CEP350: variants seen among roughly 807,000 people sequenced by gnomAD.
CEP350 encodes centrosomal protein 350, also known as centrosome-associated protein 350.
Under a neutral mutation model 331.8 loss-of-function variants are expected in CEP350, and 126 were observed. The observed-to-expected ratio is 0.38, with a 90% CI of 0.33 to 0.44. The LOEUF (loss-of-function observed/expected upper bound fraction) is 0.44. Among genes scored for constraint, CEP350 ranks in the 20% least tolerant of loss-of-function variants. The pLI is 1.00. For synonymous variants in CEP350, 1,200 were observed against 1,259.5 expected, an observed-to-expected ratio of 0.95 and a Z score of 1.00; for missense variants, 3,406 against 3,634.6, an observed-to-expected ratio of 0.94 and a Z score of 1.62.
At chr1:179,960,001 C>T (rs1184790645) in intron 1 of CEP350, among the ~76,000 whole-genome samples, 1 of 152,060 alleles carries the variant, frequency 6.6e-6, no homozygotes, top group Non-Finnish European at 1.5e-5. Context: ...ACCCCAAACA[C>T]CTCTAATATT....
At chr1:180,021,117 TG>T in intron 12 of CEP350, 108 bp downstream of exon 12, 1 of 940,780 alleles carries the variant, frequency 1.1e-6, no homozygotes, top group South Asian at 2.7e-5. Flanking sequence ...GAGTGGATAA[TG>T]GAGACTTATT....
chr1:180,098,794 G>T (rs1660636022), intron 36 of CEP350, 69 bp from the exon 37 acceptor site: 1 of 1,302,060 alleles, frequency 7.7e-7, no homozygotes, highest in Non-Finnish European at 1.1e-6. Context: ...TCTGTTTACT[G>T]CATTGTAAAC....
intron 27 of CEP350, among the ~76,000 whole-genome samples, chr1:180,071,781 C>CA (rs59447652): frequency 0.7 from 104,881 of 149,254 alleles, 38,092 homozygotes; most frequent in Admixed American, 0.79. Context: ...GACTCCGTCT[C>CA]AAAAAAAAAA....
Position 180,099,112 on chromosome 1 carries a change from T to C in CEP350, c.9189+127T>C. 4 of 921,972 alleles carry C rather than the reference T, an allele frequency of 4.3e-6. No homozygotes were observed. In the South Asian group the frequency reaches 1.1e-4, roughly 26 times the overall value. 57.1% of individuals were successfully genotyped at this position (921,972 alleles called of 1,614,324 possible). On this transcript the variant is annotated intron_variant, in intron 37 of 37. Coordinates refer to ENST00000367607, the MANE Select transcript of CEP350 (RefSeq NM_014810.5). ...TATGGTATTAAAATCTTAAAGCCTT[T>C]ACTTGCTGCATTTCTACCCCTCAGT...
rs115565734 is a variant in CEP350 at position 180,057,833 on chromosome 1, C to T, written c.5262+3331C>T. Among the ~76,000 whole-genome samples, 1,028 of 152,246 alleles carry T rather than the reference C, an allele frequency of 6.8e-3. 12 individuals carry two copies. The highest frequency in any genetic ancestry group is 0.023 in the African/African-American group (963 of 41,536). On this transcript the variant is annotated intron_variant, in intron 25 of 37. Transcript: ENST00000367607. ...GGCTCTCCAGGGATTCACTGGAAAC[C>T]CAGATAATACTTTTTACTCAGCACA...
Position 180,041,182 on chromosome 1 carries a change from A to G in CEP350, c.4155A>G (p.Leu1385=), listed in dbSNP as rs2148917679. 1 of 1,598,744 alleles carries G rather than the reference A, an allele frequency of 6.3e-7. No homozygotes were observed. The change falls in exon 18 of 38, where the codon CTA becomes CTG. Residue 1385 remains leucine (L), a synonymous_variant. Transcript: ENST00000367607. ...AAAGAGACTTGGCCCTCTTGAAACT[A>G]AAGGCTGAACAAGAGGCTCTGGAGA... The part of the protein sequence containing the change: ...RHERDLALLK[L]KAEQEALESQ...
intron 6 of CEP350, among the ~76,000 whole-genome samples, chr1:180,002,486 A>G (rs1047501104): frequency 3.9e-5 from 6 of 152,184 alleles, no homozygotes; most frequent in African/African-American, 9.7e-5. Context: ...AAAATAAAAT[A>G]AAATGAAATA....
chr1:180,030,516 C>G (rs1655960311), intron 14 of CEP350, among the ~76,000 whole-genome samples: 1 of 151,722 alleles, frequency 6.6e-6, no homozygotes, highest in African/African-American at 2.4e-5. Flanking sequence ...AGACTAGAGT[C>G]AGGAGGCCTG....
intron 26 of CEP350, among the ~76,000 whole-genome samples, chr1:180,063,592 G>A (rs547644485): frequency 5.1e-4 from 77 of 151,902 alleles, no homozygotes; most frequent in Non-Finnish European, 7.9e-4. Context: ...TGGGCAGATC[G>A]CTTGAGCTCA....
chr1:180,019,843 C>T, intron 11 of CEP350, 106 bp from the exon 12 acceptor site: 12 of 890,196 alleles, frequency 1.3e-5, no homozygotes, highest in Admixed American at 6.2e-5. Context: ...TTTATCTGTC[C>T]TTTTTTTGTT....
intron 8 of CEP350, among the ~76,000 whole-genome samples, chr1:180,010,751 A>G (rs1209930649): frequency 2.0e-5 from 3 of 151,760 alleles, no homozygotes; most frequent in Admixed American, 2.0e-4. Flanking sequence ...ACAGGCACGC[A>G]TCACTGTACC....
intron 36 of CEP350, among the ~76,000 whole-genome samples, chr1:180,096,729 A>G (rs1361924435): frequency 6.6e-6 from 1 of 152,178 alleles, no homozygotes; most frequent in Non-Finnish European, 1.5e-5. Flanking sequence ...TTATCTAAGA[A>G]ACCTTTGTAA....
Position 180,096,113 on chromosome 1 carries a change from A to C in CEP350, c.8995A>C (p.Met2999Leu). The C allele has an allele frequency of 6.4e-7, 1 of 1,563,166 alleles. No individual in the cohort carries two copies. Among genetic ancestry groups the C allele is most frequent in the Non-Finnish European group, 8.7e-7 (1 of 1,152,000 alleles). ...TCCCAACTTAAATCAACCTGTCTGGATGAAGCCATGTAGAATCAACTCTAG... is the reference window on the plus strand; with the variant it reads ...TCCCAACTTAAATCAACCTGTCTGGCTGAAGCCATGTAGAATCAACTCTAG... ...EDPNLNQPVW[M>L]KPCRINSSYF... The change falls in exon 36 of 38, where the codon ATG becomes CTG. Residue 2999 changes from methionine (M) to leucine (L), a missense_variant. Coordinates refer to ENST00000367607, the MANE Select transcript of CEP350 (RefSeq NM_014810.5).
chr1:180,034,676 A>G (rs968885162), intron 16 of CEP350, among the ~76,000 whole-genome samples: 1 of 151,950 alleles, frequency 6.6e-6, no homozygotes, highest in Non-Finnish European at 1.5e-5. Context: ...TGTATTACTA[A>G]TTGTTTTGGG....
chr1:179,971,624 G>T (rs1355395424), intron 1 of CEP350, among the ~76,000 whole-genome samples: 1 of 152,124 alleles, frequency 6.6e-6, no homozygotes, highest in Non-Finnish European at 1.5e-5. Context: ...CTGCACCTGG[G>T]CTTAACATTT....
chr1:180,059,341 G>A (rs1658057173), intron 25 of CEP350, among the ~76,000 whole-genome samples: 1 of 152,174 alleles, frequency 6.6e-6, no homozygotes, highest in African/African-American at 2.4e-5. Flanking sequence ...ACAATGCTGA[G>A]TAAAACTGCT....
Position 180,095,512 on chromosome 1 carries a change from C to G in CEP350, c.8512-11C>G. ...AAATGGTGCTCTGTTTGAATGGTTCCATTTCTATAGGAGAGCCCAGTATTT... is the reference window on the plus strand; with the variant it reads ...AAATGGTGCTCTGTTTGAATGGTTCGATTTCTATAGGAGAGCCCAGTATTT... On this transcript the variant is annotated splice_polypyrimidine_tract_variant and intron_variant, in intron 34 of 37. Coordinates refer to ENST00000367607, the MANE Select transcript of CEP350 (RefSeq NM_014810.5). The G allele has an allele frequency of 6.2e-7, 1 of 1,607,924 alleles. No individual in the cohort carries two copies. Among genetic ancestry groups the G allele is most frequent in the South Asian group, 1.1e-5 (1 of 90,526 alleles).
At chr1:180,021,127 T>G in intron 12 of CEP350, 118 bp downstream of exon 12, 1 of 795,368 alleles carries the variant, frequency 1.3e-6, no homozygotes, top group Non-Finnish European at 1.8e-6. Flanking sequence ...TGGAGACTTA[T>G]TACTGTCCGT....
At chr1:180,085,169 A>T (rs1482911227) in intron 31 of CEP350, among the ~76,000 whole-genome samples, 2 of 144,552 alleles carry the variant, frequency 1.4e-5, no homozygotes, top group East Asian at 2.0e-4. Flanking sequence ...ATGGTGTTTC[A>T]TGCCACACAA....
Sources: gnomAD v4.1 joint callset for allele counts (sites outside exome capture counted in the v4.1 genomes callset) on GRCh38, gnomAD v4.1.1 for gene constraint, MANE v1.5 for transcripts, NCBI Gene and HGNC (gene_info 2026-07-23, HGNC 2026-07-21) for gene names.